The following UBAC2 variants were observed in gnomAD, a reference collection of about 807,000 sequenced individuals.
UBAC2 encodes the protein ubiquitin-associated domain-containing protein 2.
A neutral mutation model predicts 44.0 loss-of-function variants in UBAC2; 26 were observed. That is an observed-to-expected ratio of 0.59 (90% CI 0.43 to 0.82). The LOEUF is 0.82. Among genes scored for constraint, UBAC2 ranks in the 40% least tolerant of loss-of-function variants. The probability of loss-of-function intolerance (pLI) is 0.00; values close to 1 mark genes in which losing one functional copy is unlikely to be tolerated. For synonymous variants in UBAC2, 155 were observed against 154.3 expected, an observed-to-expected ratio of 1.00 and a Z score of -0.04; for missense variants, 329 against 419.4, an observed-to-expected ratio of 0.78 and a Z score of 1.88.
chr13:99,305,799 G>A (rs978471227), intron 4 of UBAC2, among the ~76,000 whole-genome samples: 20 of 152,150 alleles, frequency 1.3e-4, no homozygotes, highest in African/African-American at 3.9e-4. Context: ...CAGTGAACCC[G>A]CAGAGAGAAA....
At chr13:99,337,271 C>T (rs1438495433) in intron 6 of UBAC2, among the ~76,000 whole-genome samples, 1 of 152,048 alleles carries the variant, frequency 6.6e-6, no homozygotes, top group Non-Finnish European at 1.5e-5. Flanking sequence ...AAAAGTTTTG[C>T]ATCTTCCTAT....
rs776461577 is a variant in UBAC2, at chr13:99,295,712, A to T, written c.390-18385A>T. ...TATGCACACGCCTTTTGCATGTTCA[A>T]TCCTTTTTATCTTGTTGTAGCGTAG... On this transcript the variant is annotated intron_variant, in intron 4 of 8. Transcript: ENST00000403766. This position sits in a 1 kb window ranked among gnomAD's most constrained non-coding sequence, Gnocchi z 4.1. 6.2e-6 allele frequency: 10 copies of T among 1,614,136 alleles called. No homozygotes were observed. The highest frequency in any genetic ancestry group is 8.5e-6 in the Non-Finnish European group (10 of 1,180,018).
At chr13:99,316,965 T>A (rs1299369308) in intron 5 of UBAC2, among the ~76,000 whole-genome samples, 1 of 152,252 alleles carries the variant, frequency 6.6e-6, no homozygotes, top group Non-Finnish European at 1.5e-5. Context: ...AAAATATTTG[T>A]CTACATGGTT....
At chr13:99,210,677 A>T (rs190102750) in intron 1 of UBAC2, among the ~76,000 whole-genome samples, 150 of 151,828 alleles carry the variant, frequency 9.9e-4, no homozygotes, top group African/African-American at 3.5e-3. Context: ...GGGTTTCTCC[A>T]TTTTGGTCAG....
At chr13:99,235,869 G>C (rs1164725848) in intron 1 of UBAC2, among the ~76,000 whole-genome samples, 1 of 152,068 alleles carries the variant, frequency 6.6e-6, no homozygotes, top group African/African-American at 2.4e-5. Context: ...TAGGGAGGCT[G>C]AGGTGGGAGG....
intron 1 of UBAC2, among the ~76,000 whole-genome samples, chr13:99,221,972 C>T (rs2043056555): frequency 6.6e-6 from 1 of 152,176 alleles, no homozygotes; most frequent in South Asian, 2.1e-4. Flanking sequence ...CTCCGAGTCA[C>T]AGTTTTGTCT....
chr13:99,369,368 C>T (rs1240429520), intron 8 of UBAC2, among the ~76,000 whole-genome samples: 1 of 152,106 alleles, frequency 6.6e-6, no homozygotes, highest in Non-Finnish European at 1.5e-5. Context: ...CCCAGGCCAG[C>T]GATACGTGGT....
chr13:99,327,778 T>C (rs72649581), intron 6 of UBAC2, among the ~76,000 whole-genome samples: 14,085 of 152,268 alleles, frequency 0.093, 708 homozygotes, highest in East Asian at 0.13. Flanking sequence ...AAAAGATTTA[T>C]GTATCTATTT....
At chr13:99,298,316 C>T (rs1447763656) in intron 4 of UBAC2, among the ~76,000 whole-genome samples, 4 of 152,062 alleles carry the variant, frequency 2.6e-5, no homozygotes, top group Non-Finnish European at 5.9e-5. Flanking sequence ...CATTGCTTGA[C>T]TACAGTGCAG....
At chr13:99,269,180 C>A (rs562945269) in intron 4 of UBAC2, among the ~76,000 whole-genome samples, 1 of 152,312 alleles carries the variant, frequency 6.6e-6, no homozygotes, top group South Asian at 2.1e-4. Flanking sequence ...AGGAAGTCCA[C>A]TCATTGGTAG....
At chr13:99,300,173 C>G (rs1407209729) in intron 4 of UBAC2, among the ~76,000 whole-genome samples, 1 of 152,218 alleles carries the variant, frequency 6.6e-6, no homozygotes, top group Non-Finnish European at 1.5e-5. Flanking sequence ...TGGGAAGCCA[C>G]TTGTGGCCAC....
At chr13:99,214,976 C>G (rs1253111793) in intron 1 of UBAC2, among the ~76,000 whole-genome samples, 1 of 150,246 alleles carries the variant, frequency 6.7e-6, no homozygotes, top group African/African-American at 2.4e-5. Flanking sequence ...CTTTTCAGTT[C>G]TTTTCTTTTT....
At chr13:99,293,637 A>G (rs1312265073) in intron 4 of UBAC2, among the ~76,000 whole-genome samples, 1 of 152,224 alleles carries the variant, frequency 6.6e-6, no homozygotes, top group Non-Finnish European at 1.5e-5. Flanking sequence ...AAGATGTTAC[A>G]AAGACCAGTG....
chr13:99,245,175 T>C (rs1218250625), intron 4 of UBAC2, among the ~76,000 whole-genome samples: 1 of 152,216 alleles, frequency 6.6e-6, no homozygotes, highest in Non-Finnish European at 1.5e-5. Context: ...TTAGAGAATT[T>C]TAAGTGAATT....
At chr13:99,287,612 A>C (rs1390232922) in intron 4 of UBAC2, among the ~76,000 whole-genome samples, 2 of 150,946 alleles carry the variant, frequency 1.3e-5, no homozygotes, top group Non-Finnish European at 2.9e-5. Flanking sequence ...AGTAAGGAAA[A>C]ATATCTTTCT....
chr13:99,289,362 A>C (rs2044060802), intron 4 of UBAC2, among the ~76,000 whole-genome samples: 1 of 152,230 alleles, frequency 6.6e-6, no homozygotes, highest in African/African-American at 2.4e-5. Context: ...GAGAGAACCA[A>C]ACATTTTATC....
chr13:99,304,733 C>T (rs929128532), intron 4 of UBAC2, among the ~76,000 whole-genome samples: 3 of 152,206 alleles, frequency 2.0e-5, no homozygotes, highest in Admixed American at 1.3e-4. Context: ...GAAGGTGAAA[C>T]GGAGGCACCA....
intron 4 of UBAC2, among the ~76,000 whole-genome samples, chr13:99,270,672 CAT>C (rs1243584696): frequency 5.9e-5 from 9 of 152,140 alleles, no homozygotes; most frequent in African/African-American, 2.2e-4. Flanking sequence ...TGGACATGCA[CAT>C]GAGTTCTGAA....
chr13:99,233,198 C>G (rs1271715468), intron 1 of UBAC2, among the ~76,000 whole-genome samples: 1 of 151,654 alleles, frequency 6.6e-6, no homozygotes, highest in Non-Finnish European at 1.5e-5. Flanking sequence ...CTGCAACCTC[C>G]ACTACCCGGG....
Sources: allele counts gnomAD v4.1 joint callset (sites outside exome capture counted in the v4.1 genomes callset), GRCh38; gene constraint gnomAD v4.1.1; non-coding constraint Gnocchi (gnomAD v3.1); transcripts MANE v1.5; gene names NCBI Gene and HGNC (gene_info 2026-07-23, HGNC 2026-07-21).